Variants in POFUT3 observed in about 807,000 individuals in gnomAD.
POFUT3 encodes the protein protein O-fucosyltransferase 3.
chr8:33,397,429 A>G, the POFUT3 span, among the ~76,000 whole-genome samples: 2 of 152,156 alleles, frequency 1.3e-5, no homozygotes, highest in Non-Finnish European at 2.9e-5. Context: ...CATTGCCACT[A>G]TCGCTGTCAC....
the POFUT3 span, among the ~76,000 whole-genome samples, chr8:33,448,956 T>C: frequency 3.9e-5 from 6 of 152,110 alleles, no homozygotes; most frequent in African/African-American, 1.4e-4. Context: ...TCTAAGTCTC[T>C]AAGAATATTT....
At chr8:33,409,322 C>G in the POFUT3 span, among the ~76,000 whole-genome samples, 2 of 152,054 alleles carry the variant, frequency 1.3e-5, no homozygotes, top group Non-Finnish European at 2.9e-5. Context: ...AGGCTTGTCT[C>G]GAACCCCTGA....
the POFUT3 span, among the ~76,000 whole-genome samples, chr8:33,410,723 G>A: frequency 7.2e-5 from 11 of 152,250 alleles, no homozygotes; most frequent in African/African-American, 2.6e-4. Context: ...CATCTTCCCA[G>A]AATTATTTCC....
the POFUT3 span, among the ~76,000 whole-genome samples, chr8:33,381,475 A>G: frequency 2.0e-4 from 30 of 152,326 alleles, 1 homozygote; most frequent in South Asian, 5.6e-3. Flanking sequence ...TACAGGAAGT[A>G]TAAGATCTTA....
At chr8:33,434,279 G>A in the POFUT3 span, among the ~76,000 whole-genome samples, 15 of 151,844 alleles carry the variant, frequency 9.9e-5, no homozygotes, top group African/African-American at 3.6e-4. Flanking sequence ...AAAAGCAAAA[G>A]TTGCCCTGCA....
chr8:33,387,551 C>G, the POFUT3 span, among the ~76,000 whole-genome samples: 2 of 152,166 alleles, frequency 1.3e-5, no homozygotes, highest in African/African-American at 2.4e-5. Context: ...CACCTGTAAT[C>G]CCAGCACTTT....
chr8:33,392,411 A>G, the POFUT3 span, among the ~76,000 whole-genome samples: 1 of 151,560 alleles, frequency 6.6e-6, no homozygotes, highest in Non-Finnish European at 1.5e-5. Context: ...CCCCATCTCT[A>G]CTAAAAATAC....
At chr8:33,365,364 C>T in the POFUT3 span, among the ~76,000 whole-genome samples, 1 of 152,240 alleles carries the variant, frequency 6.6e-6, no homozygotes, top group Non-Finnish European at 1.5e-5. Flanking sequence ...GACTTCATGA[C>T]TAAAACGCTA....
chr8:33,355,690 C>CT, the POFUT3 span, among the ~76,000 whole-genome samples: 1 of 151,536 alleles, frequency 6.6e-6, no homozygotes, highest in Admixed American at 6.6e-5. Flanking sequence ...TATTATTATA[C>CT]TTTAAGTTTT....
chr8:33,410,431 C>T, the POFUT3 span, among the ~76,000 whole-genome samples: 2 of 152,236 alleles, frequency 1.3e-5, no homozygotes, highest in East Asian at 1.9e-4. Flanking sequence ...GCCGGGCAGC[C>T]CCGAGATAGG....
the POFUT3 span, chr8:33,461,590 A>C: frequency 6.5e-7 from 1 of 1,540,712 alleles, no homozygotes; most frequent in South Asian, 1.2e-5. Flanking sequence ...TGCTGGGACC[A>C]GGTCTCCATG....
chr8:33,471,463 GCTGGTCTAGAACTC>G, the POFUT3 span, among the ~76,000 whole-genome samples: 17 of 152,066 alleles, frequency 1.1e-4, no homozygotes, highest in Non-Finnish European at 2.1e-4. Context: ...TATTGGCCAG[GCTGGTCTAGAACTC>G]CTGATCTCGT....
the POFUT3 span, among the ~76,000 whole-genome samples, chr8:33,324,887 T>C: frequency 6.6e-6 from 1 of 152,268 alleles, no homozygotes; most frequent in Admixed American, 6.5e-5. Flanking sequence ...TCATTCCCAG[T>C]GCTAGGCTCT....
chr8:33,435,107 G>C, the POFUT3 span, among the ~76,000 whole-genome samples: 4 of 152,174 alleles, frequency 2.6e-5, no homozygotes, highest in Non-Finnish European at 4.4e-5. Flanking sequence ...TTCCTTTCCA[G>C]AGACTTCTCA....
the POFUT3 span, among the ~76,000 whole-genome samples, chr8:33,383,721 T>C: frequency 6.6e-6 from 1 of 151,898 alleles, no homozygotes; most frequent in Non-Finnish European, 1.5e-5. Flanking sequence ...ATTGCTTGAA[T>C]CCAAGAGGCA....
At chr8:33,335,868 G>A in the POFUT3 span, among the ~76,000 whole-genome samples, 1 of 152,148 alleles carries the variant, frequency 6.6e-6, no homozygotes, top group African/African-American at 2.4e-5. Context: ...TCTTCATGCT[G>A]AACAGGCTGA....
the POFUT3 span, among the ~76,000 whole-genome samples, chr8:33,343,430 G>A: frequency 1.3e-5 from 2 of 152,118 alleles, no homozygotes; most frequent in African/African-American, 4.8e-5. Context: ...GAATGTAACC[G>A]GCAAGAAATG....
the POFUT3 span, among the ~76,000 whole-genome samples, chr8:33,450,513 G>A: frequency 6.6e-6 from 1 of 152,156 alleles, no homozygotes; most frequent in African/African-American, 2.4e-5. Context: ...GAACAATGGT[G>A]CTAAGTTAGG....
At chr8:33,381,700 T>C in the POFUT3 span, among the ~76,000 whole-genome samples, 2 of 152,180 alleles carry the variant, frequency 1.3e-5, no homozygotes, top group Non-Finnish European at 2.9e-5. Context: ...TGGTAGTTAA[T>C]GGAATCTCTG....
Sources: gnomAD v4.1 joint callset for allele counts (sites outside exome capture counted in the v4.1 genomes callset) on GRCh38, gnomAD v4.1.1 for gene constraint, MANE v1.5 for transcripts, NCBI Gene and HGNC (gene_info 2026-07-23, HGNC 2026-07-21) for gene names.